Variants in PEBP4 observed in about 807,000 individuals in gnomAD.
PEBP4 encodes phosphatidylethanolamine-binding protein 4.
In PEBP4, 22 loss-of-function variants were observed where a neutral mutation model predicts 23.9. The ratio of observed to expected loss-of-function variants is 0.92; its 90% confidence interval spans 0.66 to 1.31. The LOEUF (loss-of-function observed/expected upper bound fraction) is 1.31. Among genes scored for constraint, PEBP4 ranks in the 40% most tolerant of loss-of-function variants. The pLI is 0.00. For synonymous variants in PEBP4, 112 were observed against 99.3 expected, an observed-to-expected ratio of 1.13 and a Z score of -0.76; for missense variants, 324 against 281.7, an observed-to-expected ratio of 1.15 and a Z score of -1.07.
chr8:22,887,682 T>C (rs1808411216), intron 3 of PEBP4: 1 of 152,148 alleles, frequency 6.6e-6, no homozygotes, highest in South Asian at 2.1e-4. Context: ...GGAGGATCGC[T>C]TGAGCCCAGG....
chr8:22,837,427 T>C (rs914503346), intron 3 of PEBP4, among the ~76,000 whole-genome samples: 4 of 152,194 alleles, frequency 2.6e-5, no homozygotes, highest in African/African-American at 7.2e-5. Context: ...GGCTGCAGCA[T>C]TGGAAAGACG....
At chr8:22,889,384 G>T (rs1808446805) in intron 3 of PEBP4, among the ~76,000 whole-genome samples, 1 of 152,212 alleles carries the variant, frequency 6.6e-6, no homozygotes, top group Non-Finnish European at 1.5e-5. Flanking sequence ...GAAGGTGGAA[G>T]CTGGGCTTTG....
intron 3 of PEBP4, among the ~76,000 whole-genome samples, chr8:22,871,642 A>G (rs1563244184): frequency 6.8e-6 from 1 of 146,784 alleles, no homozygotes; most frequent in Non-Finnish European, 1.5e-5. Flanking sequence ...GCAACCTCCA[A>G]CTCCCTGGTT....
At chr8:22,721,219 T>G (rs140053656) in intron 6 of PEBP4, among the ~76,000 whole-genome samples, 88 of 152,256 alleles carry the variant, frequency 5.8e-4, no homozygotes, top group African/African-American at 1.1e-3. Context: ...TCCGGGAAGC[T>G]GGGAGCAAAT....
At chr8:22,811,560 G>A (rs759332849) in intron 4 of PEBP4, among the ~76,000 whole-genome samples, 2 of 152,234 alleles carry the variant, frequency 1.3e-5, no homozygotes, top group Non-Finnish European at 2.9e-5. Context: ...TGTTGGAGAG[G>A]AAGGGGCTGC....
chr8:22,810,707 TGTGTGTGA>T (rs1158437769), intron 4 of PEBP4, among the ~76,000 whole-genome samples: 13 of 127,688 alleles, frequency 1.0e-4, no homozygotes, highest in African/African-American at 3.3e-4. Flanking sequence ...TGTGTGTGTG[TGTGTGTGA>T]GAGAGAGAGA....
At chr8:22,915,943 G>T (rs1285250731) in intron 3 of PEBP4, among the ~76,000 whole-genome samples, 1 of 152,200 alleles carries the variant, frequency 6.6e-6, no homozygotes. Context: ...AGAAAATTTG[G>T]GTTGAAACTT....
At chr8:22,933,976 C>T (rs1809499944) in intron 1 of PEBP4, among the ~76,000 whole-genome samples, 1 of 152,160 alleles carries the variant, frequency 6.6e-6, no homozygotes, top group Admixed American at 6.6e-5. Flanking sequence ...GAAAGGGAAG[C>T]TGGAGTGTGC....
intron 2 of PEBP4, among the ~76,000 whole-genome samples, chr8:22,927,203 C>T (rs1019456922): frequency 6.6e-6 from 1 of 152,236 alleles, no homozygotes; most frequent in South Asian, 2.1e-4. Flanking sequence ...ATTCAAATGC[C>T]TCTTTGTTGG....
intron 4 of PEBP4, among the ~76,000 whole-genome samples, chr8:22,773,624 T>C (rs1325832025): frequency 6.6e-6 from 1 of 152,150 alleles, no homozygotes; most frequent in Non-Finnish European, 1.5e-5. Context: ...CCGCAGGCCT[T>C]CCTGGCCCCT....
chr8:22,757,629 C>G (rs1025782555), intron 4 of PEBP4: 3 of 152,192 alleles, frequency 2.0e-5, no homozygotes, highest in African/African-American at 7.2e-5. Flanking sequence ...AATCAGGCTT[C>G]CCTGCCCTCG....
chr8:22,923,459 TG>T (rs975534092), intron 2 of PEBP4, among the ~76,000 whole-genome samples: 20 of 152,046 alleles, frequency 1.3e-4, no homozygotes, highest in Non-Finnish European at 5.9e-5. Flanking sequence ...TCCAGCTATA[TG>T]GGAGGCTGAG....
chr8:22,764,021 A>G (rs533196301), intron 4 of PEBP4, among the ~76,000 whole-genome samples: 75 of 152,318 alleles, frequency 4.9e-4, no homozygotes, highest in Non-Finnish European at 6.5e-4. Flanking sequence ...AACGCTCATC[A>G]GTTTCTTCAC....
chr8:22,825,743 G>A (rs768551416), intron 3 of PEBP4, among the ~76,000 whole-genome samples: 1 of 152,324 alleles, frequency 6.6e-6, no homozygotes, highest in Non-Finnish European at 1.5e-5. Flanking sequence ...AAATCCAGGT[G>A]TCACTGCAGC....
intron 3 of PEBP4, among the ~76,000 whole-genome samples, chr8:22,819,507 G>A (rs1806813309): frequency 6.6e-6 from 1 of 152,196 alleles, no homozygotes; most frequent in African/African-American, 2.4e-5. Context: ...AGCTATTAAA[G>A]ATGATCATAA....
At chr8:22,781,350 G>T (rs1458073436) in intron 4 of PEBP4, among the ~76,000 whole-genome samples, 1 of 152,212 alleles carries the variant, frequency 6.6e-6, no homozygotes, top group South Asian at 2.1e-4. Context: ...CACCGGGGCT[G>T]GGAGTGGGGA....
Position 22,890,437 on chromosome 8 carries a change from T to C in PEBP4, c.258+29747A>G, listed in dbSNP as rs565491681. 8.5e-5 allele frequency among the ~76,000 whole-genome samples: 13 copies of C among 152,336 alleles called. No homozygotes were observed. The East Asian group carries it at 2.5e-3, about 29-fold the overall frequency. On this transcript the variant is annotated intron_variant, in intron 3 of 6. Transcript: ENST00000256404. ...AACCTCAAGTCATAGACTTACAAATTTCAGCGTTGGAAAGACCCCAAGGTG... is the reference window on the plus strand; with the variant it reads ...AACCTCAAGTCATAGACTTACAAATCTCAGCGTTGGAAAGACCCCAAGGTG...
At chr8:22,927,505 G>T in intron 2 of PEBP4, 79 bp downstream of exon 2, 1 of 1,507,050 alleles carries the variant, frequency 6.6e-7, no homozygotes, top group Non-Finnish European at 8.9e-7. Flanking sequence ...GTGCTTCTTG[G>T]TTCTGGATAT....
chr8:22,744,427 C>T (rs941273041), intron 4 of PEBP4, among the ~76,000 whole-genome samples: 1 of 152,232 alleles, frequency 6.6e-6, no homozygotes, highest in African/African-American at 2.4e-5. Flanking sequence ...GAAAAAGACT[C>T]ATGTATGAGT....
Sources: gnomAD v4.1 joint callset for allele counts (sites outside exome capture counted in the v4.1 genomes callset) on GRCh38, gnomAD v4.1.1 for gene constraint, MANE v1.5 for transcripts, NCBI Gene and HGNC (gene_info 2026-07-23, HGNC 2026-07-21) for gene names.